Variants in SLC25A21 observed in about 807,000 individuals in gnomAD.
SLC25A21 encodes mitochondrial 2-oxodicarboxylate carrier.
SLC25A21 carries 47 observed loss-of-function variants against 43.8 expected under a neutral mutation model. That is an observed-to-expected ratio of 1.07 (90% CI 0.85 to 1.37). SLC25A21 has a LOEUF of 1.37. Among genes scored for constraint, SLC25A21 ranks in the 40% most tolerant of loss-of-function variants. The pLI is 0.00. For synonymous variants in SLC25A21, 131 were observed against 121.3 expected, an observed-to-expected ratio of 1.08 and a Z score of -0.52; for missense variants, 352 against 350.2, an observed-to-expected ratio of 1.00 and a Z score of -0.04.
chr14:36,762,802 C>G (rs1251944414), intron 3 of SLC25A21, among the ~76,000 whole-genome samples: 1 of 152,166 alleles, frequency 6.6e-6, no homozygotes, highest in African/African-American at 2.4e-5. Flanking sequence ...GTAAAGAGCT[C>G]ACACCTGTGC....
intron 1 of SLC25A21, among the ~76,000 whole-genome samples, chr14:37,171,085 G>C (rs1964118045): frequency 8.3e-6 from 1 of 120,902 alleles, no homozygotes; most frequent in Non-Finnish European, 1.6e-5. Context: ...CTGGGCAACA[G>C]AGAGAGACTC....
intron 2 of SLC25A21, among the ~76,000 whole-genome samples, chr14:36,824,139 C>A (rs1202972211): frequency 6.6e-6 from 1 of 152,060 alleles, no homozygotes; most frequent in Non-Finnish European, 1.5e-5. Context: ...ATCAAGTGTA[C>A]CTACTGTATA....
chr14:36,857,821 C>CA (rs1889945892), intron 2 of SLC25A21, among the ~76,000 whole-genome samples: 1 of 152,214 alleles, frequency 6.6e-6, no homozygotes, highest in Non-Finnish European at 1.5e-5. Context: ...GGGCGGGCCA[C>CA]AGCCCCCATC....
In SLC25A21 at chr14:36,743,102, C is replaced by T. The variant is rs543234894; in HGVS notation, c.204-8529G>A. Among the ~76,000 whole-genome samples the T allele has an allele frequency of 2.6e-5, 4 of 152,190 alleles. No homozygotes were observed. In the South Asian group the frequency reaches 8.3e-4, roughly 32 times the overall value. ...GAAAGTTGGCAGAGTGCTCAATGCA[C>T]TAAACATGTTGCTCAGTTCAGCCCA... is the stretch of plus-strand genomic sequence containing the variant. On this transcript the variant is annotated intron_variant, in intron 3 of 9. Coordinates refer to ENST00000331299, the MANE Select transcript of SLC25A21 (RefSeq NM_030631.4).
intron 1 of SLC25A21, among the ~76,000 whole-genome samples, chr14:36,953,075 G>A (rs143832106): frequency 1.3e-5 from 2 of 152,186 alleles, no homozygotes; most frequent in Non-Finnish European, 2.9e-5. Flanking sequence ...CTGTATTATG[G>A]TCCATGTCTA....
At chr14:37,167,245 T>C (rs144020943) in intron 1 of SLC25A21, among the ~76,000 whole-genome samples, 1 of 152,316 alleles carries the variant, frequency 6.6e-6, no homozygotes, top group Non-Finnish European at 1.5e-5. Context: ...CAATTTGGCT[T>C]TGACCTTCCC....
chr14:36,776,253 T>TTTTTG (rs1312961779), intron 3 of SLC25A21, among the ~76,000 whole-genome samples: 1 of 139,124 alleles, frequency 7.2e-6, no homozygotes, highest in African/African-American at 2.8e-5. Context: ...TTTTTTTTTT[T>TTTTTG]TGAGATGGAG....
At chr14:37,141,911 C>T (rs1046636012) in intron 1 of SLC25A21, among the ~76,000 whole-genome samples, 2 of 152,100 alleles carry the variant, frequency 1.3e-5, no homozygotes, top group African/African-American at 4.8e-5. Flanking sequence ...TCAGATAGAG[C>T]GACGTAAAAA....
At chr14:36,684,031 C>T (rs1882415752) in intron 8 of SLC25A21, 151 bp from the exon 9 acceptor site, 3 of 547,072 alleles carry the variant, frequency 5.5e-6, no homozygotes, top group Non-Finnish European at 9.7e-6. Flanking sequence ...GTATTCTCTG[C>T]AGCAAACTGG....
chr14:36,749,816 T>G (rs1012708480), intron 3 of SLC25A21, among the ~76,000 whole-genome samples: 3 of 152,160 alleles, frequency 2.0e-5, no homozygotes, highest in African/African-American at 7.2e-5. Context: ...TTCCATTACC[T>G]CCCCTTTATT....
intron 1 of SLC25A21, among the ~76,000 whole-genome samples, chr14:37,124,524 C>A (rs562864470): frequency 6.6e-6 from 1 of 152,262 alleles, no homozygotes; most frequent in South Asian, 2.1e-4. Flanking sequence ...AGATAAAAAT[C>A]TATTCCTAAG....
At chr14:37,041,070 T>TA (rs1961461022) in intron 1 of SLC25A21, among the ~76,000 whole-genome samples, 1 of 152,074 alleles carries the variant, frequency 6.6e-6, no homozygotes, top group East Asian at 1.9e-4. Flanking sequence ...AGGAAGAAGA[T>TA]AGAGAGTGAA....
At chr14:36,742,657 A>T (rs988338103) in intron 3 of SLC25A21, among the ~76,000 whole-genome samples, 14 of 152,208 alleles carry the variant, frequency 9.2e-5, no homozygotes, top group Admixed American at 9.2e-4. Context: ...CAAGTGACAC[A>T]GATTCTTCTT....
chr14:37,150,848 A>C (rs890100418), intron 1 of SLC25A21, among the ~76,000 whole-genome samples: 2 of 152,164 alleles, frequency 1.3e-5, no homozygotes, highest in Non-Finnish European at 2.9e-5. Context: ...AAAGTGCTTT[A>C]ACCTGCCTCT....
intron 1 of SLC25A21, among the ~76,000 whole-genome samples, chr14:37,060,379 C>CTAATAA (rs71124787): frequency 0.029 from 3,978 of 138,014 alleles, 77 homozygotes; most frequent in South Asian, 0.045. Context: ...ACTCTACTCT[C>CTAATAA]TAATAATAAT....
intron 1 of SLC25A21, among the ~76,000 whole-genome samples, chr14:36,882,430 C>A (rs527394165): frequency 6.6e-6 from 1 of 152,236 alleles, no homozygotes; most frequent in African/African-American, 2.4e-5. Flanking sequence ...TCTCTCCACA[C>A]TGCTCCCCGA....
intron 1 of SLC25A21, among the ~76,000 whole-genome samples, chr14:37,099,439 T>G (rs758396809): frequency 1.9e-3 from 283 of 152,290 alleles, no homozygotes; most frequent in Non-Finnish European, 2.5e-3. Flanking sequence ...TAACAGTCAT[T>G]TGTTGTCTCA....
intron 3 of SLC25A21, among the ~76,000 whole-genome samples, chr14:36,756,112 T>G (rs1885917954): frequency 6.6e-6 from 1 of 152,182 alleles, no homozygotes; most frequent in Admixed American, 6.5e-5. Flanking sequence ...ACCATTCTCA[T>G]TTGCCTTGGG....
intron 1 of SLC25A21, among the ~76,000 whole-genome samples, chr14:37,109,127 G>A (rs1962972727): frequency 6.6e-6 from 1 of 152,122 alleles, no homozygotes; most frequent in African/African-American, 2.4e-5. Context: ...TGTAAAGTCA[G>A]AAGTTTCAAT....
Sources: allele counts gnomAD v4.1 joint callset (sites outside exome capture counted in the v4.1 genomes callset), GRCh38; gene constraint gnomAD v4.1.1; transcripts MANE v1.5; gene names NCBI Gene and HGNC (gene_info 2026-07-23, HGNC 2026-07-21).